CNTN3: variants seen among roughly 807,000 people sequenced by gnomAD.
The protein encoded by CNTN3 is contactin-3.
A neutral mutation model predicts 119.1 loss-of-function variants in CNTN3; 60 were observed. The observed-to-expected ratio is 0.50, with a 90% CI of 0.41 to 0.62. The LOEUF (loss-of-function observed/expected upper bound fraction) is 0.62, where lower values mean the gene tolerates loss of function less well. CNTN3 is among the 20% of genes least tolerant of loss of function. The pLI, the probability that CNTN3 is intolerant of heterozygous loss-of-function variation, is 0.00. For synonymous variants in CNTN3, 450 were observed against 438.7 expected (o/e 1.03, Z -0.32); for missense variants, 1,101 against 1,242.4 (o/e 0.89, Z 1.71).
At chr3:74,314,963 T>C (rs1422573679) in intron 13 of CNTN3, among the ~76,000 whole-genome samples, 1 of 151,870 alleles carries the variant, frequency 6.6e-6, no homozygotes, top group Non-Finnish European at 1.5e-5. Flanking sequence ...AGACAGGAGG[T>C]TGACACAAGA....
At chr3:74,484,760 C>T (rs1702821858) in intron 4 of CNTN3, among the ~76,000 whole-genome samples, 1 of 152,138 alleles carries the variant, frequency 6.6e-6, no homozygotes, top group Non-Finnish European at 1.5e-5. Flanking sequence ...CTCTCCTCAG[C>T]AGCACTAGTT....
At chr3:74,402,979 T>A (rs1705235590) in intron 5 of CNTN3, among the ~76,000 whole-genome samples, 1 of 152,284 alleles carries the variant, frequency 6.6e-6, no homozygotes, top group Admixed American at 6.5e-5. Context: ...CTAGGTATTC[T>A]GAAGGGTTAG....
chr3:74,561,288 A>G (rs1311828418), intron 1 of CNTN3, among the ~76,000 whole-genome samples: 1 of 151,992 alleles, frequency 6.6e-6, no homozygotes, highest in East Asian at 1.9e-4. Context: ...CCAGCAGCCA[A>G]TGTTCAAAAT....
intron 19 of CNTN3, among the ~76,000 whole-genome samples, chr3:74,292,689 T>C (rs955494694): frequency 1.3e-5 from 2 of 152,236 alleles, no homozygotes; most frequent in Non-Finnish European, 2.9e-5. Context: ...GTCCCCATTC[T>C]ACAGGTGAGG....
intron 5 of CNTN3, among the ~76,000 whole-genome samples, chr3:74,399,112 A>C (rs1161205841): frequency 6.6e-6 from 1 of 152,102 alleles, no homozygotes; most frequent in African/African-American, 2.4e-5. Flanking sequence ...TCTCCTATCT[A>C]ACTGTAAGTT....
At chr3:74,419,916 A>T (rs763722144) in intron 5 of CNTN3, among the ~76,000 whole-genome samples, 11 of 152,188 alleles carry the variant, frequency 7.2e-5, no homozygotes, top group Non-Finnish European at 1.6e-4. Flanking sequence ...TTGTGTGGTG[A>T]TATCAGCAAG....
At chr3:74,601,739 G>A (rs1704914167) in intron 1 of CNTN3, among the ~76,000 whole-genome samples, 1 of 151,982 alleles carries the variant, frequency 6.6e-6, no homozygotes. Flanking sequence ...CCCTTGACTT[G>A]GGTTTGGCCA....
intron 11 of CNTN3, among the ~76,000 whole-genome samples, chr3:74,361,638 G>T (rs1704075142): frequency 6.6e-6 from 1 of 152,118 alleles, no homozygotes; most frequent in African/African-American, 2.4e-5. Flanking sequence ...CAGCGATTCA[G>T]GAAGAAAATC....
chr3:74,577,858 G>T (rs896340582), intron 1 of CNTN3, among the ~76,000 whole-genome samples: 1 of 152,028 alleles, frequency 6.6e-6, no homozygotes, highest in Non-Finnish European at 1.5e-5. Flanking sequence ...GCAATTTGCA[G>T]AATCTTGAAA....
chr3:74,468,001 A>G (rs1702495534), intron 4 of CNTN3, among the ~76,000 whole-genome samples: 1 of 152,144 alleles, frequency 6.6e-6, no homozygotes, highest in Admixed American at 6.5e-5. Context: ...ACAAAAGAAA[A>G]CCCCCATGGA....
chr3:74,412,520 T>A (rs544465503), intron 5 of CNTN3, among the ~76,000 whole-genome samples: 2 of 152,298 alleles, frequency 1.3e-5, no homozygotes, highest in African/African-American at 4.8e-5. Flanking sequence ...TTTAAAGACT[T>A]TATAAACCAT....
intron 3 of CNTN3, among the ~76,000 whole-genome samples, chr3:74,493,138 T>C (rs1459166867): frequency 1.3e-5 from 2 of 152,284 alleles, no homozygotes; most frequent in Non-Finnish European, 2.9e-5. Context: ...TATTAGGTAT[T>C]ATCAGAAATG....
intron 4 of CNTN3, among the ~76,000 whole-genome samples, chr3:74,463,850 C>A (rs1448942441): frequency 6.6e-6 from 1 of 152,114 alleles, no homozygotes; most frequent in Non-Finnish European, 1.5e-5. Context: ...ATTCATATTA[C>A]ACAATTGTTG....
chr3:74,309,998 T>C (rs1189940079), intron 13 of CNTN3, among the ~76,000 whole-genome samples: 3 of 152,198 alleles, frequency 2.0e-5, no homozygotes, highest in African/African-American at 7.2e-5. Flanking sequence ...ATACATAAAT[T>C]TACTGCTAAT....
chr3:74,544,749 C>T (rs1008404893), intron 1 of CNTN3, among the ~76,000 whole-genome samples: 2 of 152,074 alleles, frequency 1.3e-5, no homozygotes, highest in Non-Finnish European at 2.9e-5. Flanking sequence ...CAGGTGCATG[C>T]CACCACATCT....
chr3:74,588,347 C>T lies in CNTN3; in HGVS notation c.-81+26044G>A, dbSNP rs370179457. 2.8e-4 allele frequency among the ~76,000 whole-genome samples: 43 copies of T among 152,160 alleles called. No individual in the cohort carries two copies. The East Asian group carries it at 7.4e-3, about 26-fold the overall frequency. On this transcript the variant is annotated intron_variant, in intron 1 of 22. Coordinates refer to ENST00000263665, the MANE Select transcript of CNTN3 (RefSeq NM_020872.3). Reference sequence around the variant, plus strand: ...GAGAGCCAAATCATGAGTGAACTCCCGTTCACAATTGCTTCAAAGAGAATA... The same window carrying T: ...GAGAGCCAAATCATGAGTGAACTCCTGTTCACAATTGCTTCAAAGAGAATA...
At chr3:74,478,368 C>T (rs1702698394) in intron 4 of CNTN3, among the ~76,000 whole-genome samples, 1 of 152,072 alleles carries the variant, frequency 6.6e-6, no homozygotes, top group African/African-American at 2.4e-5. Flanking sequence ...CCCTCCCCCA[C>T]ACTAGAAGAG....
At chr3:74,449,315 T>C (rs1017614398) in intron 4 of CNTN3, among the ~76,000 whole-genome samples, 1 of 152,064 alleles carries the variant, frequency 6.6e-6, no homozygotes, top group African/African-American at 2.4e-5. Flanking sequence ...GAGTCTTAAG[T>C]AAATCATACC....
intron 1 of CNTN3, among the ~76,000 whole-genome samples, chr3:74,553,721 G>C (rs1452107335): frequency 6.6e-6 from 1 of 152,174 alleles, no homozygotes; most frequent in African/African-American, 2.4e-5. Flanking sequence ...CTTCTTTTGA[G>C]AAGTGTCTGT....
Sources: gnomAD v4.1 joint callset for allele counts (sites outside exome capture counted in the v4.1 genomes callset) on GRCh38, gnomAD v4.1.1 for gene constraint, MANE v1.5 for transcripts, NCBI Gene and HGNC (gene_info 2026-07-23, HGNC 2026-07-21) for gene names.